C14orf39: variants seen among roughly 807,000 people sequenced by gnomAD.
C14orf39 encodes protein SIX6OS1.
Under a neutral mutation model 85.6 loss-of-function variants are expected in C14orf39, and 66 were observed. The ratio of observed to expected loss-of-function variants is 0.77; its 90% CI spans 0.63 to 0.95. The LOEUF is 0.95. C14orf39 is among the 40% of genes least tolerant of loss of function. The pLI is 0.00. For synonymous variants in C14orf39, 242 were observed against 214.0 expected, an observed-to-expected ratio of 1.13 and a Z score of -1.14; for missense variants, 735 against 663.9, an observed-to-expected ratio of 1.11 and a Z score of -1.18.
At position 60,455,046 on chromosome 14, in the gene C14orf39, A is replaced by G; in HGVS notation, c.1458T>C (p.Asn486=). 1.3e-6 allele frequency: 2 copies of G among 1,576,620 alleles called. No individual in the cohort carries two copies. The highest frequency in any genetic ancestry group is 1.7e-6 in the Non-Finnish European group (2 of 1,166,672). The change falls in exon 16 of 18, where the codon AAT becomes AAC. Residue 486 remains asparagine (N), a synonymous_variant. Transcript: ENST00000321731. ...MSYTSRSPGL[N]LFDSSVFDTE... The stretch of plus-strand genomic sequence containing the variant: ...TATCAAATACAGAAGAATCAAATAA[A>G]TTCAATCCAGGTGATCTAGAAGTAT...
At chr14:60,465,598 T>G (rs1201140336) in intron 11 of C14orf39, among the ~76,000 whole-genome samples, 1 of 152,124 alleles carries the variant, frequency 6.6e-6, no homozygotes, top group Non-Finnish European at 1.5e-5. Flanking sequence ...ACCTTTATCT[T>G]GTAGAACGGT....
chr14:60,487,363 T>C (rs1892914513), upstream of C14orf39, among the ~76,000 whole-genome samples: 1 of 152,200 alleles, frequency 6.6e-6, no homozygotes, highest in Non-Finnish European at 1.5e-5. Flanking sequence ...CACCTACAAG[T>C]GAAGTCATAT....
intron 5 of C14orf39, among the ~76,000 whole-genome samples, chr14:60,475,669 C>T (rs1892337605): frequency 6.6e-6 from 1 of 152,106 alleles, no homozygotes; most frequent in Non-Finnish European, 1.5e-5. Context: ...CAGATGTTGG[C>T]CCACAAAGGT....
chr14:60,508,244 A>G (rs1357636357), intron 1 of C14orf39, among the ~76,000 whole-genome samples: 1 of 152,212 alleles, frequency 6.6e-6, no homozygotes, highest in African/African-American at 2.4e-5. Context: ...TAAGCCTACA[A>G]GGAAAGGAGT....
rs1566692808 is a variant in C14orf39, at chr14:60,515,099, G to A, written c.-144+296C>T. The A allele has an allele frequency of 1.3e-5, 2 of 152,178 alleles. No homozygotes were observed. Among genetic ancestry groups the A allele is most frequent in the African/African-American group, 4.8e-5 (2 of 41,442 alleles). 9.4% of individuals were successfully genotyped at this position (152,178 alleles called of 1,614,324 possible). On this transcript the variant is annotated intron_variant, in intron 1 of 5. Coordinates refer to the C14orf39 transcript ENST00000556799. This position sits in a 1 kb window ranked among gnomAD's most constrained non-coding sequence, Gnocchi z 6.2. The stretch of plus-strand genomic sequence containing the variant: ...GGTCATTGTCCGCGCGCTGGCCCGG[G>A]CGCCGAGGCGTGTCCCTGCCTGCGC...
intron 1 of C14orf39, among the ~76,000 whole-genome samples, chr14:60,506,288 A>C (rs977880739): frequency 6.6e-6 from 1 of 152,224 alleles, no homozygotes; most frequent in African/African-American, 2.4e-5. Flanking sequence ...AATGTGGGAT[A>C]AGAAGTGAGG....
upstream of C14orf39, among the ~76,000 whole-genome samples, chr14:60,486,934 TTTGTG>T (rs1438298775): frequency 6.6e-6 from 1 of 152,206 alleles, no homozygotes; most frequent in African/African-American, 2.4e-5. Flanking sequence ...GATTTATTCT[TTTGTG>T]TGTGTGTGAA....
chr14:60,453,918 A>G (rs896690631), intron 16 of C14orf39, among the ~76,000 whole-genome samples: 1 of 151,866 alleles, frequency 6.6e-6, no homozygotes, highest in Admixed American at 6.6e-5. Flanking sequence ...GTGTTTATGT[A>G]TTCATTAACT....
chr14:60,482,850 T>C (rs1317410349), intron 4 of C14orf39, among the ~76,000 whole-genome samples: 1 of 150,370 alleles, frequency 6.7e-6, no homozygotes, highest in East Asian at 1.9e-4. Flanking sequence ...AGTCCATTTT[T>C]GTAAAAAGGA....
At chr14:60,442,030 T>G (rs1268718304) in intron 17 of C14orf39, 44 bp downstream of exon 17, 2 of 1,356,930 alleles carry the variant, frequency 1.5e-6, no homozygotes, top group Non-Finnish European at 2.1e-6. Flanking sequence ...ACTGTACTAA[T>G]GAGTTAACAT....
In C14orf39 at chr14:60,468,451, T is replaced by G; in HGVS notation, c.761A>C (p.Lys254Thr). ...TTTTAAAGGTTACCTATACCTTTCT[T>G]TCAGTTCTTTTCTGTTTTCTGTATT... is the stretch of plus-strand genomic sequence containing the variant. ...NKNTENRKEL[K>T]ERIFGKDEHV... is the part of the protein sequence containing the mutation. The change falls in exon 9 of 18, where the codon AAA becomes ACA. Residue 254 changes from lysine (K) to threonine (T), a missense_variant. By Grantham distance (78) the Lys-to-Thr change is moderately conservative (BLOSUM62 -1). Coordinates refer to ENST00000321731, the MANE Select transcript of C14orf39 (RefSeq NM_174978.3). 2 of 1,573,906 alleles carry G rather than the reference T, an allele frequency of 1.3e-6. No homozygotes were observed. The highest frequency in any genetic ancestry group is 1.7e-6 in the Non-Finnish European group (2 of 1,155,968).
intron 2 of C14orf39, chr14:60,496,017 G>C (rs966603011): frequency 1.2e-5 from 7 of 565,642 alleles, no homozygotes; most frequent in African/African-American, 1.1e-4. Context: ...CAAAGAGCTA[G>C]TTGTGAAAGG....
intron 16 of C14orf39, among the ~76,000 whole-genome samples, chr14:60,450,801 G>C (rs543229422): frequency 2.6e-5 from 4 of 152,322 alleles, no homozygotes; most frequent in South Asian, 2.1e-4. Context: ...TCAGCACAGA[G>C]AGAGAGGCTC....
intron 5 of C14orf39, among the ~76,000 whole-genome samples, chr14:60,472,747 T>A (rs1219377247): frequency 6.6e-6 from 1 of 152,236 alleles, no homozygotes; most frequent in Admixed American, 6.5e-5. Flanking sequence ...TCATTTTTTA[T>A]GGCTGCATAG....
chr14:60,478,041 C>T (rs1005578899), intron 5 of C14orf39, among the ~76,000 whole-genome samples: 6 of 151,696 alleles, frequency 4.0e-5, no homozygotes, highest in African/African-American at 7.2e-5. Flanking sequence ...TAGCCGGGTG[C>T]GGTGGCGGGC....
chr14:60,446,214 G>C (rs1011094020), intron 16 of C14orf39, among the ~76,000 whole-genome samples: 16 of 152,128 alleles, frequency 1.1e-4, no homozygotes, highest in East Asian at 1.9e-4. Context: ...ACTAAGATCA[G>C]AGCAGAACTG....
chr14:60,497,712 C>T (rs891186202), intron 2 of C14orf39, among the ~76,000 whole-genome samples: 5 of 152,006 alleles, frequency 3.3e-5, no homozygotes, highest in African/African-American at 1.2e-4. Flanking sequence ...CCCATCTCTA[C>T]TAAAACTATT....
At chr14:60,464,594 T>G (rs1891694974) in intron 11 of C14orf39, among the ~76,000 whole-genome samples, 1 of 152,102 alleles carries the variant, frequency 6.6e-6, no homozygotes, top group Non-Finnish European at 1.5e-5. Context: ...TTGTTCTTTT[T>G]AAAAATATGA....
intron 3 of C14orf39, 115 bp from the exon 4 acceptor site, chr14:60,483,932 G>C (rs936250264): frequency 4.5e-6 from 3 of 665,716 alleles, no homozygotes; most frequent in African/African-American, 3.7e-5. Flanking sequence ...CCAGAGAATG[G>C]AGAGGAAACG....
Sources: gnomAD v4.1 joint callset for allele counts (sites outside exome capture counted in the v4.1 genomes callset) on GRCh38, gnomAD v4.1.1 for gene constraint, Gnocchi (gnomAD v3.1) non-coding constraint, MANE v1.5 for transcripts, NCBI Gene and HGNC (gene_info 2026-07-23, HGNC 2026-07-21) for gene names.